SNAPC5: variants seen among roughly 807,000 people sequenced by gnomAD.
The protein encoded by SNAPC5 is snRNA-activating protein complex subunit 5.
In SNAPC5, 12 loss-of-function variants were observed where a neutral mutation model predicts 9.1. The ratio of observed to expected loss-of-function variants is 1.32; its 90% CI spans 0.85 to 2.15. SNAPC5 has a LOEUF of 2.15. Ranked by LOEUF, SNAPC5 falls within the 30% of genes most tolerant of loss-of-function variation. The pLI is 0.00. For missense variants in SNAPC5, 132 were observed against 114.4 expected (o/e 1.15, Z -0.70); for synonymous variants, 52 against 47.3 (o/e 1.10, Z -0.41).
chr15:66,493,422 A>T (rs1893320980), downstream of SNAPC5: 2 of 152,124 alleles, frequency 1.3e-5, no homozygotes, highest in Non-Finnish European at 2.9e-5. Context: ...TGGGAGGTCG[A>T]GGCGGGAGGA....
chr15:66,490,030 T>A (rs1893193315), downstream of SNAPC5: 1 of 579,338 alleles, frequency 1.7e-6, no homozygotes, highest in South Asian at 2.0e-5. Context: ...GCCCACCCCC[T>A]TCATGGGGAT....
At chr15:66,490,805 T>C, downstream of SNAPC5, 1 of 674,736 alleles carries the variant, frequency 1.5e-6, no homozygotes, top group Non-Finnish European at 2.7e-6. Context: ...ATTACTATTA[T>C]TGTTCCCCTA....
intron 1 of SNAPC5, chr15:66,497,384 C>T: frequency 1.7e-6 from 1 of 589,690 alleles, no homozygotes; most frequent in Non-Finnish European, 3.0e-6. Flanking sequence ...TAGGACTGCA[C>T]TTGCCAAACA....
At chr15:66,496,685 G>A (rs1190592542) in intron 1 of SNAPC5, among the ~76,000 whole-genome samples, 1 of 151,636 alleles carries the variant, frequency 6.6e-6, no homozygotes, top group Non-Finnish European at 1.5e-5. Context: ...ACCACGCTCA[G>A]CTAATTTTAA....
Position 66,495,408 on chromosome 15 carries a change from T to G in SNAPC5, c.102A>C (p.Leu34Phe), listed in dbSNP as rs749026315. The G allele has an allele frequency of 6.3e-7, 1 of 1,598,008 alleles. No individual in the cohort carries two copies. The highest frequency in any genetic ancestry group is 1.1e-5 in the South Asian group (1 of 90,740). Residue 34 changes from leucine (L) to phenylalanine (F), a missense_variant, in exon 2 of 3, where the codon TTA becomes TTC. By Grantham distance (22) the Leu-to-Phe change is conservative. Transcript: ENST00000316634. ...DQLNRLKVEELALQSMISSRR... is the reference protein window; with the variant it reads ...DQLNRLKVEEFALQSMISSRR... ...TAGAACTGATCATTGATTGGAGGGC[T>G]AATTCTTCAACCTAGAAAAGAAGAG...
intron 2 of SNAPC5, 67 bp downstream of exon 2, chr15:66,495,263 A>C: frequency 1.1e-6 from 1 of 936,558 alleles, no homozygotes; most frequent in South Asian, 1.3e-5. Context: ...GTTCTTCACC[A>C]CCCAAGCAGC....
At chr15:66,492,082 C>T, downstream of SNAPC5, 1 of 456,384 alleles carries the variant, frequency 2.2e-6, no homozygotes, top group South Asian at 1.5e-5. Flanking sequence ...TCTTTCACCA[C>T]TTACACTTAA....
chr15:66,495,292 T>C, intron 2 of SNAPC5, 38 bp downstream of exon 2: 4 of 1,182,404 alleles, frequency 3.4e-6, no homozygotes, highest in Non-Finnish European at 5.1e-6. Flanking sequence ...AGAGCAGACT[T>C]TGCATTCTCT....
rs1010225941 is a variant in SNAPC5 at position 66,493,653 on chromosome 15, TCAAA to T, written c.*779_*782del. 2 of 134,670 alleles carry T rather than the reference TCAAA, an allele frequency of 1.5e-5. No homozygotes were observed. The highest frequency in any genetic ancestry group is 5.2e-5 in the African/African-American group (2 of 38,664). 8.3% of individuals were successfully genotyped at this position (134,670 alleles called of 1,614,324 possible). A position where few individuals can be genotyped will look rare whatever the true frequency, so the allele number is the denominator to read the frequency against. On this transcript the variant is annotated 3_prime_UTR_variant, in exon 3 of 3. Transcript: ENST00000316634. ...TGGGCAATAAGAGTGAAACTCCGTC[TCAAA>T]CAAAACAAAACAAAAAACAAAACAA...
chr15:66,497,189 T>C (rs1237490660), intron 1 of SNAPC5, among the ~76,000 whole-genome samples: 1 of 152,134 alleles, frequency 6.6e-6, no homozygotes, highest in Non-Finnish European at 1.5e-5. Context: ...CTTGGTAGCA[T>C]GGGAGGATCT....
rs1010225941 is a variant in SNAPC5 at position 66,493,653 on chromosome 15, T to TCAAA, written c.*779_*782dup. ...TGGGCAATAAGAGTGAAACTCCGTCTCAAACAAAACAAAACAAAAAACAAA... is the reference window on the plus strand; with the variant it reads ...TGGGCAATAAGAGTGAAACTCCGTCTCAAACAAACAAAACAAAACAAAAAACAAA... On this transcript the variant is annotated 3_prime_UTR_variant, in exon 3 of 3. Transcript: ENST00000316634. 7.4e-6 allele frequency: 1 copy of TCAAA among 134,670 alleles called. No individual in the cohort carries two copies. Among genetic ancestry groups the TCAAA allele is most frequent in the Admixed American group, 8.0e-5 (1 of 12,430 alleles). 8.3% of individuals were successfully genotyped at this position (134,670 alleles called of 1,614,324 possible). A position where few individuals can be genotyped will look rare whatever the true frequency, so the allele number is the denominator to read the frequency against.
At chr15:66,495,104 G>A (rs1287043344) in intron 2 of SNAPC5, 3 of 547,306 alleles carry the variant, frequency 5.5e-6, no homozygotes, top group South Asian at 4.4e-5. Context: ...CGAGGAGGAT[G>A]GAGGTAAAAC....
downstream of SNAPC5, among the ~76,000 whole-genome samples, chr15:66,492,516 G>C (rs1262603496): frequency 6.9e-6 from 1 of 145,870 alleles, no homozygotes; most frequent in Non-Finnish European, 1.5e-5. Context: ...AAACATTTAG[G>C]CTGGGTTTTA....
rs565320796 is a variant in SNAPC5, at chr15:66,494,157, T to C, written c.*279A>G. On this transcript the variant is annotated 3_prime_UTR_variant, in exon 3 of 3. Coordinates refer to ENST00000316634, the MANE Select transcript of SNAPC5 (RefSeq NM_001329615.2). ...TCTCAACAGTATTTCAGAGGAAATT[T>C]TGTTCTGAACAGTTAACTGAATCTG... 161 of 289,978 alleles carry C rather than the reference T, an allele frequency of 5.6e-4. 2 individuals are homozygous for C. The South Asian group carries it at 9.2e-3, about 17-fold the overall frequency. The allele number at this position is 289,978 out of a possible 1,614,324, so 18.0% of individuals were successfully genotyped here. A position where few individuals can be genotyped will look rare whatever the true frequency, so the allele number is the denominator to read the frequency against.
At chr15:66,492,308 T>A (rs1001413604), downstream of SNAPC5, 4 of 250,192 alleles carry the variant, frequency 1.6e-5, no homozygotes, top group Non-Finnish European at 3.2e-5. Flanking sequence ...CTTTTTAGAT[T>A]AAAAACAAAA....
At chr15:66,489,926 C>T (rs987771718), downstream of SNAPC5, 8 of 735,056 alleles carry the variant, frequency 1.1e-5, no homozygotes, top group Non-Finnish European at 2.0e-5. Flanking sequence ...TTTGCTCTCC[C>T]ATCAGTTTAA....
intron 2 of SNAPC5, chr15:66,494,774 T>C: frequency 2.1e-6 from 1 of 477,412 alleles, no homozygotes; most frequent in Non-Finnish European, 3.7e-6. Flanking sequence ...TTTACAAACA[T>C]TATTACACAA....
chr15:66,493,008 G>C (rs757860532), downstream of SNAPC5, among the ~76,000 whole-genome samples: 3 of 152,144 alleles, frequency 2.0e-5, no homozygotes, highest in Non-Finnish European at 4.4e-5. Context: ...TATGTACCTT[G>C]ATGCTTTTTG....
At chr15:66,490,703 A>G (rs1365900526), downstream of SNAPC5, 2 of 907,096 alleles carry the variant, frequency 2.2e-6, no homozygotes, top group East Asian at 4.8e-5. Context: ...GTCTCTGTTC[A>G]GATGTGCATT....
Sources: allele counts gnomAD v4.1 joint callset (sites outside exome capture counted in the v4.1 genomes callset), GRCh38; gene constraint gnomAD v4.1.1; transcripts MANE v1.5; gene names NCBI Gene and HGNC (gene_info 2026-07-23, HGNC 2026-07-21).